Variants in LRRC7 observed in about 807,000 individuals in gnomAD.
LRRC7 encodes leucine rich repeat containing 7.
In LRRC7, 23 loss-of-function variants were observed where a neutral mutation model predicts 175.7. The ratio of observed to expected loss-of-function variants is 0.13; its 90% CI spans 0.09 to 0.19. The LOEUF (loss-of-function observed/expected upper bound fraction) is 0.19, where lower values mean the gene tolerates loss of function less well. Among genes scored for constraint, LRRC7 ranks in the 10% least tolerant of loss-of-function variants. LRRC7 has a pLI of 1.00. For missense variants in LRRC7, 1,354 were observed against 1,904.7 expected, an observed-to-expected ratio of 0.71 and a Z score of 5.38; for synonymous variants, 685 against 680.9, an observed-to-expected ratio of 1.01 and a Z score of -0.09.
chr1:69,582,190 T>A (rs1646228093), intron 1 of LRRC7, among the ~76,000 whole-genome samples: 1 of 152,238 alleles, frequency 6.6e-6, no homozygotes, highest in African/African-American at 2.4e-5. Flanking sequence ...TCTAGGAATG[T>A]ATTTAGCTGA....
chr1:70,038,676 A>T lies in LRRC7; in HGVS notation c.2852A>T (p.His951Leu). The T allele has an allele frequency of 3.1e-6, 5 of 1,614,122 alleles. No homozygotes were observed. Among genetic ancestry groups the T allele is most frequent in the Non-Finnish European group, 4.2e-6 (5 of 1,180,010 alleles). ...RSLSNVFSQI[H>L]CRPESSKGVI... is the part of the protein sequence containing the mutation. ...CTTAGTAATGTCTTTTCTCAAATCC[A>T]CTGCCGCCCGGAATCTTCTAAAGGT... Residue 951 changes from histidine to leucine, a missense_variant, in exon 21 of 27, where the codon CAC (histidine) becomes CTC (leucine). This residue lies in a region of LRRC7 where 1,032 missense variants were observed against 1,227.2 expected (regional missense o/e 0.84). Coordinates refer to ENST00000651989, the MANE Select transcript of LRRC7 (RefSeq NM_001370785.2).
At chr1:69,711,179 T>C (rs778416072) in intron 2 of LRRC7, among the ~76,000 whole-genome samples, 1 of 152,218 alleles carries the variant, frequency 6.6e-6, no homozygotes, top group Non-Finnish European at 1.5e-5. Context: ...AGGATGGCTG[T>C]GGTGTAATTT....
chr1:69,689,252 A>G (rs912585672), intron 2 of LRRC7, among the ~76,000 whole-genome samples: 4 of 152,208 alleles, frequency 2.6e-5, no homozygotes, highest in Non-Finnish European at 1.5e-5. Context: ...CAGATTTTAC[A>G]GAAAGGGCTG....
intron 25 of LRRC7, among the ~76,000 whole-genome samples, chr1:70,105,290 G>A (rs1056437915): frequency 5.3e-5 from 8 of 151,842 alleles, no homozygotes; most frequent in Non-Finnish European, 1.2e-4. Flanking sequence ...ATTGGCCAAC[G>A]CTGTTAAAGC....
intron 8 of LRRC7, among the ~76,000 whole-genome samples, chr1:69,939,383 G>GAA (rs1648463189): frequency 6.6e-6 from 1 of 151,890 alleles, no homozygotes; most frequent in African/African-American, 2.4e-5. Context: ...CTACACACTG[G>GAA]AAACACTTGC....
At chr1:70,025,144 G>A (rs1274149180) in intron 17 of LRRC7, among the ~76,000 whole-genome samples, 1 of 151,864 alleles carries the variant, frequency 6.6e-6, no homozygotes, top group Non-Finnish European at 1.5e-5. Flanking sequence ...CATGGTCTGA[G>A]CCACACTTTT....
At chr1:69,991,793 G>A (rs552149203) in intron 10 of LRRC7, among the ~76,000 whole-genome samples, 1 of 151,974 alleles carries the variant, frequency 6.6e-6, no homozygotes, top group South Asian at 2.1e-4. Context: ...TGCAGCTATC[G>A]GGTATTTGAA....
At chr1:69,794,455 T>C (rs184891019) in intron 4 of LRRC7, among the ~76,000 whole-genome samples, 58 of 152,318 alleles carry the variant, frequency 3.8e-4, no homozygotes, top group African/African-American at 1.4e-3. Context: ...TTTTGACCCA[T>C]GGAAAGATGA....
At chr1:69,889,934 C>A (rs1645782854) in intron 7 of LRRC7, among the ~76,000 whole-genome samples, 1 of 152,206 alleles carries the variant, frequency 6.6e-6, no homozygotes, top group African/African-American at 2.4e-5. Flanking sequence ...GAGATTGCAG[C>A]AATTCAGTCA....
At chr1:69,676,777 TA>T (rs1659826326) in intron 1 of LRRC7, among the ~76,000 whole-genome samples, 1 of 152,076 alleles carries the variant, frequency 6.6e-6, no homozygotes, top group Admixed American at 6.6e-5. Flanking sequence ...TGGTACTTTT[TA>T]AAAAATTTTC....
Position 70,036,549 on chromosome 1 carries a change from C to T in LRRC7, c.2213C>T (p.Ser738Phe), listed in dbSNP as rs1341249313. Residue 738 changes from serine (S) to phenylalanine (F), a missense_variant, in exon 20 of 27, where the codon TCT (serine) becomes TTT (phenylalanine). Coordinates refer to ENST00000651989, the MANE Select transcript of LRRC7 (RefSeq NM_001370785.2). ...YSPSQASSGS[S>F]NTRVKVGSLQ... ...CCTTCCCAGGCTTCCTCAGGATCCT[C>T]TAATACCCGGGTTAAAGTGGGGTCC... The T allele has an allele frequency of 1.2e-5, 19 of 1,614,086 alleles. No individual in the cohort carries two copies. Among genetic ancestry groups the T allele is most frequent in the Non-Finnish European group, 1.6e-5 (19 of 1,179,972 alleles).
At chr1:69,962,109 C>G (rs1366324860) in intron 8 of LRRC7, among the ~76,000 whole-genome samples, 1 of 151,972 alleles carries the variant, frequency 6.6e-6, no homozygotes, top group African/African-American at 2.4e-5. Context: ...AGTCTAATAT[C>G]CAGCATCTAT....
At chr1:69,828,689 A>G (rs114063418) in intron 5 of LRRC7, among the ~76,000 whole-genome samples, 140 of 152,136 alleles carry the variant, frequency 9.2e-4, no homozygotes, top group Middle Eastern at 6.9e-3. Flanking sequence ...TATGAGTTAC[A>G]CTTTTATCTT....
intron 7 of LRRC7, among the ~76,000 whole-genome samples, chr1:69,907,723 T>C (rs1170891799): frequency 6.6e-6 from 1 of 152,098 alleles, no homozygotes; most frequent in Non-Finnish European, 1.5e-5. Flanking sequence ...TAAAATTCTC[T>C]TTTTTGGTTG....
chr1:70,055,628 T>C (rs1342679709), intron 23 of LRRC7, among the ~76,000 whole-genome samples: 2 of 152,120 alleles, frequency 1.3e-5, no homozygotes, highest in East Asian at 1.9e-4. Context: ...CTTACAATCA[T>C]TGTGGAAGCA....
intron 4 of LRRC7, among the ~76,000 whole-genome samples, chr1:69,824,560 C>T (rs1679673157): frequency 6.6e-6 from 1 of 152,022 alleles, no homozygotes; most frequent in East Asian, 1.9e-4. Context: ...TGAGAAACAT[C>T]GCAAACCCCA....
intron 4 of LRRC7, among the ~76,000 whole-genome samples, chr1:69,796,872 T>C (rs1391878442): frequency 1.3e-5 from 2 of 152,134 alleles, no homozygotes; most frequent in Non-Finnish European, 2.9e-5. Context: ...TCCCTGACAC[T>C]GTATACATAA....
intron 9 of LRRC7, among the ~76,000 whole-genome samples, chr1:69,982,302 C>T (rs946181426): frequency 5.3e-5 from 8 of 152,182 alleles, no homozygotes; most frequent in Non-Finnish European, 7.4e-5. Flanking sequence ...ATTTGTTATA[C>T]GCTGTGTGGG....
intron 7 of LRRC7, among the ~76,000 whole-genome samples, chr1:69,921,844 A>C (rs1201405615): frequency 1.3e-5 from 2 of 152,184 alleles, no homozygotes; most frequent in Non-Finnish European, 2.9e-5. Context: ...TAATCTCATG[A>C]TCTAGTGCTT....
Sources: gnomAD v4.1 joint callset for allele counts (sites outside exome capture counted in the v4.1 genomes callset) on GRCh38, gnomAD v4.1.1 for gene constraint, gnomAD v4.1.1 regional missense constraint, MANE v1.5 for transcripts, NCBI Gene and HGNC (gene_info 2026-07-23, HGNC 2026-07-21) for gene names.